ITGAM: variants seen among roughly 807,000 people sequenced by gnomAD.
ITGAM encodes integrin alpha-M.
A neutral mutation model predicts 137.5 loss-of-function variants in ITGAM; 79 were observed. That is an observed-to-expected ratio of 0.57 (90% CI 0.48 to 0.69). The LOEUF is 0.69. Among genes scored for constraint, ITGAM ranks in the 30% least tolerant of loss-of-function variants. The pLI is 0.00. For missense variants in ITGAM, 1,343 were observed against 1,483.5 expected (o/e 0.91, Z 1.56); for synonymous variants, 583 against 592.3 (o/e 0.98, Z 0.23).
At chr16:31,329,354 C>T (rs552607576) in intron 24 of ITGAM, 51 bp downstream of exon 24, 5 of 1,321,166 alleles carry the variant, frequency 3.8e-6, no homozygotes, top group Non-Finnish European at 5.4e-6. Flanking sequence ...GGAGGAAAAT[C>T]GATGGTAGAA....
intron 2 of ITGAM, among the ~76,000 whole-genome samples, chr16:31,262,202 A>G (rs1294496193): frequency 6.6e-6 from 1 of 152,052 alleles, no homozygotes; most frequent in Non-Finnish European, 1.5e-5. Flanking sequence ...AACTCCGTCC[A>G]CTTGTCTCTT....
intron 21 of ITGAM, 86 bp from the exon 22 acceptor site, chr16:31,326,770 T>A: frequency 1.1e-6 from 1 of 929,410 alleles, no homozygotes; most frequent in Non-Finnish European, 1.8e-6. Context: ...GGGCCATATT[T>A]CATGTCTCCA....
At position 31,331,260 on chromosome 16, in the gene ITGAM, C is replaced by T. The variant is rs752434898; in HGVS notation, c.3372C>T (p.Thr1124=). 7 of 1,610,182 alleles carry T rather than the reference C, an allele frequency of 4.3e-6. No individual in the cohort carries two copies. In the South Asian group the frequency reaches 6.6e-5, roughly 15 times the overall value. ...GACTGCTGCTCCTGGCCCTCATCAC[C>T]GCCGCGCTGTACAAGGTGCTCCCCG... ...VGGLLLLALI[T]AALYKLGFFK... The change falls in exon 29 of 30, where the codon ACC becomes ACT. Residue 1124 remains threonine (T), a synonymous_variant. Transcript: ENST00000544665.
Position 31,328,176 on chromosome 16 carries a change from C to A in ITGAM, c.2738C>A (p.Thr913Asn), listed in dbSNP as rs757468672. 2 of 1,613,826 alleles carry A rather than the reference C, an allele frequency of 1.2e-6. No individual in the cohort carries two copies. Among genetic ancestry groups the A allele is most frequent in the Admixed American group, 1.7e-5 (1 of 59,992 alleles). ...SENNMPRTNK[T>N]EFQLELPVKY... Reference sequence around the variant, plus strand: ...AACAACATGCCCAGAACCAACAAAACCGAATTCCAACTGGAGCTGCCGGTG... The same window carrying A: ...AACAACATGCCCAGAACCAACAAAAACGAATTCCAACTGGAGCTGCCGGTG... Residue 913 changes from threonine (T) to asparagine (N), a missense_variant, in exon 23 of 30, where the codon ACC (threonine) becomes AAC (asparagine). Coordinates refer to ENST00000544665, the MANE Select transcript of ITGAM (RefSeq NM_000632.4).
intron 1 of ITGAM, among the ~76,000 whole-genome samples, chr16:31,260,955 C>A (rs1250738546): frequency 6.6e-6 from 1 of 152,194 alleles, no homozygotes; most frequent in African/African-American, 2.4e-5. Flanking sequence ...TGAAATTTCC[C>A]TAATGACAAA....
intron 19 of ITGAM, 33 bp downstream of exon 19, chr16:31,325,064 G>A (rs2144493119): frequency 6.3e-7 from 1 of 1,582,600 alleles, no homozygotes; most frequent in Non-Finnish European, 8.6e-7. Context: ...CTCCTCCAGA[G>A]AAGGACCCGT....
At chr16:31,282,402 C>T (rs2079979568) in intron 12 of ITGAM, among the ~76,000 whole-genome samples, 1 of 152,096 alleles carries the variant, frequency 6.6e-6, no homozygotes, top group Admixed American at 6.6e-5. Flanking sequence ...TCTGGGTGCT[C>T]CTGTACTGGG....
At chr16:31,328,848 A>ATG (rs1412066994) in intron 23 of ITGAM, among the ~76,000 whole-genome samples, 45 of 129,288 alleles carry the variant, frequency 3.5e-4, no homozygotes, top group Non-Finnish European at 2.9e-4. Context: ...GTATTTGTGC[A>ATG]TGTGTGTGAG....
chr16:31,321,604 G>A lies in ITGAM; in HGVS notation c.1979G>A (p.Ser660Asn). The change falls in exon 16 of 30, where the codon AGC (serine) becomes AAC (asparagine). Residue 660 changes from serine (S) to asparagine (N), a missense_variant. Ser to Asn is a conservative substitution (Grantham distance 46). Transcript: ENST00000544665. ...EVRVCLHVQK[S>N]TRDRLREGQI... ...AGAGTCTGCCTCCATGTCCAGAAGA[G>A]CACACGGGATCGGCTAAGAGAAGGT... 3.7e-6 allele frequency: 6 copies of A among 1,613,836 alleles called. No homozygotes were observed. In the South Asian group the frequency reaches 6.6e-5, roughly 18 times the overall value.
intron 12 of ITGAM, among the ~76,000 whole-genome samples, chr16:31,283,837 G>T (rs546707803): frequency 1.3e-3 from 193 of 152,278 alleles, no homozygotes; most frequent in African/African-American, 4.4e-3. Flanking sequence ...TTCTGCTCTG[G>T]TTTCTCCCCA....
intron 2 of ITGAM, among the ~76,000 whole-genome samples, chr16:31,264,088 G>A (rs62051462): frequency 0.11 from 16,854 of 151,686 alleles, 1,093 homozygotes; most frequent in Non-Finnish European, 0.15. Flanking sequence ...CACTTGCCTC[G>A]GCCTCCCAAA....
In ITGAM at chr16:31,331,618, C is replaced by A. The variant is rs1027048812; in HGVS notation, c.3388-18C>A. The A allele has an allele frequency of 1.3e-6, 2 of 1,596,364 alleles. No individual in the cohort carries two copies. The highest frequency in any genetic ancestry group is 1.1e-5 in the South Asian group (1 of 88,158). ...TCCCTGGCTGCTGTCGCTCTCACTG[C>A]CCTCCTCTGCCCCGCAGCTCGGCTT... On this transcript the variant is annotated intron_variant, in intron 29 of 29. Transcript: ENST00000544665.
chr16:31,288,624 C>T (rs2144352396), intron 12 of ITGAM, among the ~76,000 whole-genome samples: 1 of 152,156 alleles, frequency 6.6e-6, no homozygotes, highest in Non-Finnish European at 1.5e-5. Context: ...GGATTAAAAG[C>T]TTATATGTTA....
chr16:31,331,529 C>T (rs1453240631), intron 29 of ITGAM, 107 bp from the exon 30 acceptor site: 1 of 652,740 alleles, frequency 1.5e-6, no homozygotes, highest in Non-Finnish European at 2.8e-6. Context: ...GCCCCGCCCT[C>T]CTGGGTCCCT....
chr16:31,297,597 C>T lies in ITGAM; in HGVS notation c.1440C>T (p.Pro480=). The T allele has an allele frequency of 2.5e-6, 4 of 1,612,880 alleles. No individual in the cohort carries two copies. The highest frequency in any genetic ancestry group is 3.4e-6 in the Non-Finnish European group (4 of 1,179,910). The change falls in exon 13 of 30, where the codon CCC becomes CCT. Residue 480 remains proline, a synonymous_variant. Coordinates refer to ENST00000544665, the MANE Select transcript of ITGAM (RefSeq NM_000632.4). ...GSTDLVLIGA[P]HYYEQTRGGQ... is the part of the protein sequence containing the mutation. ...CCGACCTGGTCCTCATCGGGGCCCC[C>T]CATTACTACGAGCAGACCCGAGGGG...
At chr16:31,304,622 A>T (rs2080248036) in intron 14 of ITGAM, among the ~76,000 whole-genome samples, 1 of 152,018 alleles carries the variant, frequency 6.6e-6, no homozygotes, top group Non-Finnish European at 1.5e-5. Context: ...ATCCATCTTG[A>T]GTTGATTTTT....
At chr16:31,312,391 A>T (rs142129434) in intron 14 of ITGAM, among the ~76,000 whole-genome samples, 437 of 152,298 alleles carry the variant, frequency 2.9e-3, no homozygotes, top group African/African-American at 0.01. Flanking sequence ...TTCAAAAAAG[A>T]CACTAAAATG....
rs61363590 is a variant in ITGAM, at chr16:31,263,802, AATTTATTT to A, written c.135-1549_135-1542del. 0.039 allele frequency among the ~76,000 whole-genome samples: 5,033 copies of A among 129,726 alleles called. 528 individuals carry two copies. In the East Asian group the frequency reaches 0.42, roughly 11 times the overall value. 85.1% of individuals were successfully genotyped at this position (129,726 alleles called of 152,430 possible). A position where few individuals can be genotyped will look rare whatever the true frequency, so the allele number is the denominator to read the frequency against. On this transcript the variant is annotated intron_variant, in intron 2 of 29. Transcript: ENST00000544665. ...CTTATGGTAGTTTATCACATACAAA[AATTTATTT>A]ATTTATTTATTTATTTATTTATTTA...
intron 7 of ITGAM, among the ~76,000 whole-genome samples, chr16:31,272,774 A>AAT (rs2079865591): frequency 6.6e-6 from 1 of 151,398 alleles, no homozygotes; most frequent in African/African-American, 2.4e-5. Flanking sequence ...GTCAGCCATA[A>AAT]ATATATATAT....
Sources: allele counts gnomAD v4.1 joint callset (sites outside exome capture counted in the v4.1 genomes callset), GRCh38; gene constraint gnomAD v4.1.1; transcripts MANE v1.5; gene names NCBI Gene and HGNC (gene_info 2026-07-23, HGNC 2026-07-21).